The following ASTN2 variants were observed in gnomAD, a reference collection of about 807,000 sequenced individuals.
ASTN2 encodes astrotactin-2.
In ASTN2, 54 loss-of-function variants were observed where a neutral mutation model predicts 139.8. The ratio of observed to expected loss-of-function variants is 0.39; its 90% CI spans 0.31 to 0.48. The LOEUF is 0.48. Ranked by LOEUF, ASTN2 falls within the 20% of genes least tolerant of loss-of-function variation. ASTN2 has a pLI of 0.95. For missense variants in ASTN2, 1,565 were observed against 1,725.1 expected (o/e 0.91, Z 1.64); for synonymous variants, 756 against 719.5 (o/e 1.05, Z -0.81).
At chr9:116,824,358 G>A (rs1044044875) in intron 11 of ASTN2, among the ~76,000 whole-genome samples, 2 of 138,964 alleles carry the variant, frequency 1.4e-5, no homozygotes, top group African/African-American at 5.4e-5. Context: ...TAGATCATAA[G>A]AGAGATCTTT....
chr9:117,007,188 CT>C (rs1837379146), intron 7 of ASTN2, among the ~76,000 whole-genome samples: 1 of 152,112 alleles, frequency 6.6e-6, no homozygotes, highest in South Asian at 2.1e-4. Context: ...GAGGCCTCCC[CT>C]GACCACTTTC....
At chr9:117,033,792 C>T (rs1183014136) in intron 6 of ASTN2, among the ~76,000 whole-genome samples, 2 of 152,088 alleles carry the variant, frequency 1.3e-5, no homozygotes, top group Non-Finnish European at 2.9e-5. Context: ...CACCTAGCAT[C>T]CCTGAGCCCC....
intron 10 of ASTN2, among the ~76,000 whole-genome samples, chr9:116,873,501 G>A (rs11999259): frequency 0.023 from 3,413 of 151,422 alleles, 117 homozygotes; most frequent in African/African-American, 0.078. Flanking sequence ...TGCAGAGGGT[G>A]TACAATATCA....
intron 16 of ASTN2, among the ~76,000 whole-genome samples, chr9:116,723,964 T>TC (rs11423048): frequency 0.86 from 130,127 of 152,068 alleles, 55,655 homozygotes; most frequent in Middle Eastern, 0.91. Flanking sequence ...CACTCTTTCT[T>TC]CCCCTCTCCC....
chr9:117,104,093 C>T (rs944951219), intron 4 of ASTN2, among the ~76,000 whole-genome samples: 1 of 152,184 alleles, frequency 6.6e-6, no homozygotes, highest in African/African-American at 2.4e-5. Context: ...GATATGGATT[C>T]AAACCCTGGT....
chr9:117,106,503 C>T (rs2132775995), intron 4 of ASTN2, among the ~76,000 whole-genome samples: 1 of 152,124 alleles, frequency 6.6e-6, no homozygotes, highest in Middle Eastern at 3.4e-3. Context: ...CCAGCCCAAG[C>T]TACATATTTT....
chr9:117,336,444 C>T (rs1158784675), intron 1 of ASTN2, among the ~76,000 whole-genome samples: 2 of 152,126 alleles, frequency 1.3e-5, no homozygotes, highest in Non-Finnish European at 2.9e-5. Context: ...GGAATCATCA[C>T]CCGATGCAGC....
At chr9:116,616,133 T>A (rs751343431) in intron 19 of ASTN2, among the ~76,000 whole-genome samples, 6 of 152,224 alleles carry the variant, frequency 3.9e-5, no homozygotes, top group Non-Finnish European at 7.3e-5. Context: ...TGTCTCTGTA[T>A]GCAGATGACA....
At chr9:116,929,332 C>T (rs1834838503) in intron 10 of ASTN2, among the ~76,000 whole-genome samples, 1 of 152,164 alleles carries the variant, frequency 6.6e-6, no homozygotes, top group African/African-American at 2.4e-5. Context: ...GCTGACATGG[C>T]TGGAATCCTA....
At chr9:116,674,591 G>C (rs1859390658) in intron 16 of ASTN2, among the ~76,000 whole-genome samples, 1 of 152,192 alleles carries the variant, frequency 6.6e-6, no homozygotes, top group Non-Finnish European at 1.5e-5. Flanking sequence ...ATCAACTAAA[G>C]GTAAAGAGGA....
intron 3 of ASTN2, among the ~76,000 whole-genome samples, chr9:117,160,734 C>A (rs1243892395): frequency 6.6e-6 from 1 of 151,964 alleles, no homozygotes; most frequent in Non-Finnish European, 1.5e-5. Context: ...AAGTGAAATG[C>A]AAGGTGTGCA....
chr9:117,120,018 G>GTGTGTGTATATATATATATATATATA (rs1306397698), intron 4 of ASTN2, among the ~76,000 whole-genome samples: 3 of 45,998 alleles, frequency 6.5e-5, no homozygotes, highest in Admixed American at 3.0e-4. Flanking sequence ...GTGTGTGTGT[G>GTGTGTGTATATATATATATATATATA]TATATATATA....
At chr9:116,525,139 T>C (rs914484832) in intron 19 of ASTN2, among the ~76,000 whole-genome samples, 1 of 152,214 alleles carries the variant, frequency 6.6e-6, no homozygotes, top group East Asian at 1.9e-4. Flanking sequence ...GAGGAACTTA[T>C]TGGGAACTGG....
chr9:116,911,163 C>T (rs1170275207), intron 10 of ASTN2, among the ~76,000 whole-genome samples: 4 of 152,118 alleles, frequency 2.6e-5, no homozygotes, highest in Admixed American at 6.6e-5. Flanking sequence ...AAGATCCATC[C>T]CACGAAATAA....
At chr9:117,016,450 C>A (rs1254120170) in intron 6 of ASTN2, among the ~76,000 whole-genome samples, 2 of 150,572 alleles carry the variant, frequency 1.3e-5, no homozygotes, top group South Asian at 4.2e-4. Flanking sequence ...TGTCACTGGG[C>A]TAGAGCCCAG....
intron 22 of ASTN2, among the ~76,000 whole-genome samples, chr9:116,432,448 T>A (rs1219974122): frequency 6.6e-6 from 1 of 152,224 alleles, no homozygotes; most frequent in Non-Finnish European, 1.5e-5. Context: ...TGTTTAGACC[T>A]TGCAACTATG....
chr9:117,259,354 C>T (rs1160480674), intron 2 of ASTN2, among the ~76,000 whole-genome samples: 3 of 152,140 alleles, frequency 2.0e-5, no homozygotes, highest in African/African-American at 4.8e-5. Flanking sequence ...CCCCTCCTCT[C>T]GGCCAAGGGC....
At chr9:117,316,000 A>C (rs1285257603) in intron 1 of ASTN2, among the ~76,000 whole-genome samples, 1 of 152,184 alleles carries the variant, frequency 6.6e-6, no homozygotes, top group African/African-American at 2.4e-5. Context: ...TGAATGAGCT[A>C]TCTCATGTAA....
intron 20 of ASTN2, among the ~76,000 whole-genome samples, chr9:116,445,015 A>G (rs940967504): frequency 2.6e-5 from 4 of 152,200 alleles, no homozygotes; most frequent in Admixed American, 6.5e-5. Flanking sequence ...TCATCCACAT[A>G]TGGACCCATC....
Sources: allele counts gnomAD v4.1 joint callset (sites outside exome capture counted in the v4.1 genomes callset), GRCh38; gene constraint gnomAD v4.1.1; transcripts MANE v1.5; gene names NCBI Gene and HGNC (gene_info 2026-07-23, HGNC 2026-07-21).